The following DLC1 variants were observed in gnomAD, a reference collection of about 807,000 sequenced individuals.
DLC1 encodes the protein rho GTPase-activating protein 7.
In DLC1, 54 loss-of-function variants were observed where a neutral mutation model predicts 140.3. That is an observed-to-expected ratio of 0.38 (90% CI 0.31 to 0.48). DLC1 has a LOEUF of 0.48. Ranked by LOEUF, DLC1 falls within the 20% of genes least tolerant of loss-of-function variation. The probability of loss-of-function intolerance (pLI) is 0.96; values close to 1 mark genes in which losing one functional copy is unlikely to be tolerated. For missense variants in DLC1, 2,536 were observed against 1,907.0 expected (o/e 1.33, Z -6.14); for synonymous variants, 986 against 728.1 (o/e 1.35, Z -5.70).
intron 5 of DLC1, among the ~76,000 whole-genome samples, chr8:13,273,125 T>A (rs1831012092): frequency 6.6e-6 from 1 of 152,176 alleles, no homozygotes; most frequent in Non-Finnish European, 1.5e-5. Context: ...GATAAAGAGA[T>A]CCGTGGGCAC....
At chr8:13,330,645 C>T (rs1170321656) in intron 4 of DLC1, among the ~76,000 whole-genome samples, 1 of 152,158 alleles carries the variant, frequency 6.6e-6, no homozygotes, top group Non-Finnish European at 1.5e-5. Context: ...GTGGTCTCTG[C>T]ATCATGTTTC....
chr8:13,551,075 C>CACACACACTTTT (rs71207163), intron 1 of DLC1, among the ~76,000 whole-genome samples: 1 of 121,678 alleles, frequency 8.2e-6, no homozygotes, highest in African/African-American at 3.0e-5. Flanking sequence ...CACACACACA[C>CACACACACTTTT]TTTTTTTTTT....
intron 4 of DLC1, among the ~76,000 whole-genome samples, chr8:13,361,147 A>G (rs546576375): frequency 6.6e-6 from 1 of 152,122 alleles, no homozygotes; most frequent in East Asian, 2.0e-4. Context: ...TAGGAGGATC[A>G]CCTGAGCCAG....
chr8:13,531,345 G>T (rs1019743363), intron 1 of DLC1, among the ~76,000 whole-genome samples: 15 of 152,148 alleles, frequency 9.9e-5, no homozygotes, highest in African/African-American at 3.4e-4. Context: ...CAGCAATTTG[G>T]AAGGCCAAGG....
chr8:13,438,646 C>G (rs576022676), intron 2 of DLC1, among the ~76,000 whole-genome samples: 1 of 152,262 alleles, frequency 6.6e-6, no homozygotes, highest in South Asian at 2.1e-4. Flanking sequence ...TTCCAAACTT[C>G]CCACATTGAG....
chr8:13,295,841 T>C (rs962325259), intron 5 of DLC1, among the ~76,000 whole-genome samples: 6 of 151,712 alleles, frequency 4.0e-5, no homozygotes, highest in Non-Finnish European at 8.8e-5. Flanking sequence ...TTTGTGTATA[T>C]ATTCACATTA....
chr8:13,325,449 T>TACACACACACACACACAC (rs1554497506), intron 4 of DLC1, among the ~76,000 whole-genome samples: 8 of 38,258 alleles, frequency 2.1e-4, no homozygotes, highest in African/African-American at 4.8e-4. Context: ...TAGTTCTGTA[T>TACACACACACACACACAC]ACACACACAC....
intron 2 of DLC1, among the ~76,000 whole-genome samples, chr8:13,412,582 C>T (rs1371333220): frequency 2.6e-5 from 4 of 152,060 alleles, no homozygotes; most frequent in African/African-American, 7.3e-5. Context: ...CATACGATGA[C>T]GCAGATTCAC....
At chr8:13,560,859 G>T (rs1174898995) in intron 1 of DLC1, among the ~76,000 whole-genome samples, 1 of 152,098 alleles carries the variant, frequency 6.6e-6, no homozygotes, top group Non-Finnish European at 1.5e-5. Context: ...ACCAGTCAAG[G>T]AGAGAGGCCT....
intron 5 of DLC1, chr8:13,305,052 A>T: frequency 8.3e-7 from 1 of 1,197,886 alleles, no homozygotes; most frequent in East Asian, 3.7e-5. Flanking sequence ...CCCAAGAAAC[A>T]CATATCTTAT....
chr8:13,301,318 A>G (rs1024333467), intron 5 of DLC1, among the ~76,000 whole-genome samples: 3 of 152,130 alleles, frequency 2.0e-5, no homozygotes, highest in Non-Finnish European at 4.4e-5. Flanking sequence ...AGAATCATGG[A>G]GAAAGTGATC....
At chr8:13,513,566 T>G (rs956636158) in intron 1 of DLC1, among the ~76,000 whole-genome samples, 2 of 152,130 alleles carry the variant, frequency 1.3e-5, no homozygotes, top group Non-Finnish European at 1.5e-5. Flanking sequence ...CTAATAGATT[T>G]GAAAATGTAC....
chr8:13,573,547 C>T (rs1804738199), intron 1 of DLC1, among the ~76,000 whole-genome samples: 1 of 152,138 alleles, frequency 6.6e-6, no homozygotes, highest in South Asian at 2.1e-4. Flanking sequence ...TAGGGAAGAA[C>T]TTGCAGTCTT....
At chr8:13,244,524 C>G (rs537058369) in intron 5 of DLC1, among the ~76,000 whole-genome samples, 2 of 152,166 alleles carry the variant, frequency 1.3e-5, no homozygotes, top group South Asian at 2.1e-4. Flanking sequence ...GTCTCAAACT[C>G]CTGGCCTAAA....
At chr8:13,459,017 A>T (rs1799537509) in intron 2 of DLC1, among the ~76,000 whole-genome samples, 1 of 152,228 alleles carries the variant, frequency 6.6e-6, no homozygotes, top group South Asian at 2.1e-4. Context: ...TTCTATGACC[A>T]CACATCAATC....
At chr8:13,460,589 G>A (rs145035728) in intron 2 of DLC1, among the ~76,000 whole-genome samples, 1 of 152,196 alleles carries the variant, frequency 6.6e-6, no homozygotes, top group African/African-American at 2.4e-5. Context: ...GTGAAGCTGT[G>A]GTAGTAGAGG....
At chr8:13,364,229 C>G (rs41465748) in intron 4 of DLC1, among the ~76,000 whole-genome samples, 15,645 of 152,032 alleles carry the variant, frequency 0.1, 983 homozygotes, top group Non-Finnish European at 0.14. Context: ...CTCTTCAGAT[C>G]TGCTTACCTA....
At chr8:13,554,462 C>T (rs1366302723) in intron 1 of DLC1, among the ~76,000 whole-genome samples, 1 of 152,162 alleles carries the variant, frequency 6.6e-6, no homozygotes, top group African/African-American at 2.4e-5. Context: ...ATCTCCACTT[C>T]GGTGTTTAAA....
chr8:13,327,654 T>C (rs1297694833), intron 4 of DLC1, among the ~76,000 whole-genome samples: 2 of 152,152 alleles, frequency 1.3e-5, no homozygotes, highest in African/African-American at 4.8e-5. Context: ...CACTGCATAG[T>C]ATCCATCCAT....
Sources: gnomAD v4.1 joint callset for allele counts (sites outside exome capture counted in the v4.1 genomes callset) on GRCh38, gnomAD v4.1.1 for gene constraint, MANE v1.5 for transcripts, NCBI Gene and HGNC (gene_info 2026-07-23, HGNC 2026-07-21) for gene names.